Variants in UNC13C observed in about 807,000 individuals in gnomAD.
The protein encoded by UNC13C is protein unc-13 homolog C.
Under a neutral mutation model 245.4 loss-of-function variants are expected in UNC13C, and 174 were observed. The observed-to-expected ratio is 0.71, with a 90% CI of 0.63 to 0.80. The LOEUF is 0.80. UNC13C is among the 30% of genes least tolerant of loss of function. The pLI is 0.00. For synonymous variants in UNC13C, 992 were observed against 895.1 expected, an observed-to-expected ratio of 1.11 and a Z score of -1.93; for missense variants, 2,829 against 2,602.9, an observed-to-expected ratio of 1.09 and a Z score of -1.89.
chr15:54,222,948 T>C (rs1473045324), intron 4 of UNC13C, among the ~76,000 whole-genome samples: 1 of 152,132 alleles, frequency 6.6e-6, no homozygotes, highest in Admixed American at 6.6e-5. Context: ...TATTAGATTT[T>C]TTTCTATAGA....
intron 4 of UNC13C, among the ~76,000 whole-genome samples, chr15:54,177,857 TAAA>T (rs2033667171): frequency 6.6e-6 from 1 of 152,142 alleles, no homozygotes; most frequent in Non-Finnish European, 1.5e-5. Context: ...CTATAACAGA[TAAA>T]ATCCTGTGAT....
chr15:54,346,470 C>T (rs1009667407), intron 17 of UNC13C, among the ~76,000 whole-genome samples: 2 of 152,134 alleles, frequency 1.3e-5, no homozygotes, highest in African/African-American at 2.4e-5. Context: ...TAATATGATG[C>T]CTTGCCTGAA....
At chr15:54,186,855 ATT>A (rs1491276880) in intron 4 of UNC13C, among the ~76,000 whole-genome samples, 14,498 of 146,824 alleles carry the variant, frequency 0.099, 1,471 homozygotes, top group African/African-American at 0.21. Flanking sequence ...GTATATATAT[ATT>A]TTGTTTTTTG....
At chr15:54,455,525 T>TG (rs1190258819) in intron 19 of UNC13C, among the ~76,000 whole-genome samples, 2 of 106,924 alleles carry the variant, frequency 1.9e-5, no homozygotes, top group African/African-American at 8.6e-5. Flanking sequence ...AACATCTGCT[T>TG]TTTTTTTTTT....
chr15:54,453,512 C>G lies in UNC13C; in HGVS notation c.4933+38445C>G, dbSNP rs548001985. ...TAACCTTCAGCTTTTTAACTACACC[C>G]TATATTTGGATAATCAGGTTGTTAG... is the stretch of plus-strand genomic sequence containing the variant. On this transcript the variant is annotated intron_variant, in intron 19 of 32. Coordinates refer to ENST00000260323, the MANE Select transcript of UNC13C (RefSeq NM_001080534.3). Among the ~76,000 whole-genome samples the G allele has an allele frequency of 6.6e-5, 10 of 152,288 alleles. No individual in the cohort carries two copies. In the South Asian group the frequency reaches 1.7e-3, roughly 25 times the overall value.
At chr15:54,396,963 A>G (rs1438554144) in intron 18 of UNC13C, among the ~76,000 whole-genome samples, 2 of 151,104 alleles carry the variant, frequency 1.3e-5, no homozygotes, top group African/African-American at 4.8e-5. Flanking sequence ...CTAGCTTGTA[A>G]CTTTCTTTTC....
intron 27 of UNC13C, among the ~76,000 whole-genome samples, chr15:54,549,052 T>C (rs1209203692): frequency 6.6e-6 from 1 of 152,172 alleles, no homozygotes; most frequent in Admixed American, 6.5e-5. Context: ...AATTTAGTAC[T>C]TTTCCAGTCA....
chr15:54,560,813 A>T (rs1008916579), intron 29 of UNC13C, among the ~76,000 whole-genome samples: 2 of 152,002 alleles, frequency 1.3e-5, no homozygotes, highest in Non-Finnish European at 2.9e-5. Flanking sequence ...TCTCCTATGG[A>T]AATAATACTA....
intron 13 of UNC13C, among the ~76,000 whole-genome samples, chr15:54,309,408 T>C (rs2037810422): frequency 6.6e-6 from 1 of 151,914 alleles, no homozygotes; most frequent in Non-Finnish European, 1.5e-5. Flanking sequence ...ATATTAACGC[T>C]TTATTAAATG....
chr15:54,177,433 T>C (rs1291456675), intron 4 of UNC13C, among the ~76,000 whole-genome samples: 1 of 152,156 alleles, frequency 6.6e-6, no homozygotes, highest in Non-Finnish European at 1.5e-5. Context: ...GCTCACTCTA[T>C]GAATACACAT....
chr15:53,932,285 G>T, the UNC13C span, among the ~76,000 whole-genome samples: 1 of 149,056 alleles, frequency 6.7e-6, no homozygotes. Flanking sequence ...CTCCAGCCTG[G>T]CAACAGTGAG....
intron 8 of UNC13C, among the ~76,000 whole-genome samples, chr15:54,250,749 C>CTTTTT (rs1296024773): frequency 2.5e-3 from 218 of 88,884 alleles, no homozygotes; most frequent in Non-Finnish European, 3.8e-3. Flanking sequence ...TTCTTTCTTT[C>CTTTTT]TTTTTTTTTT....
In UNC13C at chr15:54,015,413, C is replaced by G; in HGVS notation, c.2510C>G (p.Ser837Cys). The G allele has an allele frequency of 5.6e-6, 9 of 1,613,678 alleles. No individual in the cohort carries two copies. The highest frequency in any genetic ancestry group is 6.8e-6 in the Non-Finnish European group (8 of 1,179,826). The change falls in exon 2 of 33, where the codon TCT (serine) becomes TGT (cysteine). Residue 837 changes from serine (S) to cysteine (C), a missense_variant. By Grantham distance (112) the Ser-to-Cys change is moderately radical. Transcript: ENST00000260323. The stretch of plus-strand genomic sequence containing the variant: ...TTAATGGGGAGATTTCGGACATTAT[C>G]TCAATCAACTGCAAATGAGTCAAGT... ...SSLMGRFRTL[S>C]QSTANESSTT... is the part of the protein sequence containing the mutation.
chr15:54,237,615 T>G lies in UNC13C; in HGVS notation c.3157-4T>G. 6.2e-7 allele frequency: 1 copy of G among 1,610,500 alleles called. No individual in the cohort carries two copies. On this transcript the variant is annotated splice_polypyrimidine_tract_variant and splice_region_variant and intron_variant, in intron 6 of 32. Transcript: ENST00000260323. ...TTAATAAGTCATAATTCTGTTTGTT[T>G]TAGACCCTGGCTGCCCGGAAATCTG...
At chr15:54,098,346 T>C (rs1325026513) in intron 2 of UNC13C, among the ~76,000 whole-genome samples, 1 of 152,146 alleles carries the variant, frequency 6.6e-6, no homozygotes, top group African/African-American at 2.4e-5. Flanking sequence ...GGCTAATTTT[T>C]GTATTTTTAG....
chr15:53,854,562 C>A, the UNC13C span, among the ~76,000 whole-genome samples: 3 of 152,162 alleles, frequency 2.0e-5, no homozygotes, highest in African/African-American at 7.2e-5. Context: ...ATCCTTTCCC[C>A]ATTAATTGTT....
intron 8 of UNC13C, among the ~76,000 whole-genome samples, chr15:54,250,820 G>A (rs1429349769): frequency 1.5e-5 from 2 of 131,978 alleles, no homozygotes; most frequent in Non-Finnish European, 3.1e-5. Flanking sequence ...GCAGTGGCAC[G>A]ATCTCAACTC....
intron 19 of UNC13C, among the ~76,000 whole-genome samples, chr15:54,463,693 G>GT (rs1224877151): frequency 6.6e-6 from 1 of 152,132 alleles, no homozygotes; most frequent in East Asian, 1.9e-4. Flanking sequence ...TTTAAGAACT[G>GT]TAACACTCAC....
intron 2 of UNC13C, among the ~76,000 whole-genome samples, chr15:54,075,676 A>G (rs1050506185): frequency 5.9e-5 from 9 of 151,926 alleles, no homozygotes; most frequent in African/African-American, 2.2e-4. Flanking sequence ...TGTTAATACT[A>G]TTAGCAGTAT....
Sources: gnomAD v4.1 joint callset for allele counts (sites outside exome capture counted in the v4.1 genomes callset) on GRCh38, gnomAD v4.1.1 for gene constraint, MANE v1.5 for transcripts, NCBI Gene and HGNC (gene_info 2026-07-23, HGNC 2026-07-21) for gene names.